SSPN: variants seen among roughly 807,000 people sequenced by gnomAD.
SSPN encodes sarcospan, also known as K-ras oncogene-associated protein.
A neutral mutation model predicts 19.1 loss-of-function variants in SSPN; 15 were observed. The observed-to-expected ratio is 0.78, with a 90% CI of 0.52 to 1.21. The LOEUF is 1.21. Among genes scored for constraint, SSPN ranks in the 50% most tolerant of loss-of-function variants. SSPN has a pLI of 0.00. For synonymous variants in SSPN, 147 were observed against 140.3 expected (o/e 1.05, Z -0.34); for missense variants, 291 against 314.0 (o/e 0.93, Z 0.55).
chr12:26,123,370 C>G (rs1944332545), intron 1 of SSPN, among the ~76,000 whole-genome samples: 1 of 152,174 alleles, frequency 6.6e-6, no homozygotes, highest in Non-Finnish European at 1.5e-5. Context: ...AGGGCGCTCT[C>G]CTCCCAGCTG....
intron 1 of SSPN, among the ~76,000 whole-genome samples, chr12:26,184,683 G>C (rs1944740674): frequency 6.6e-6 from 1 of 152,158 alleles, no homozygotes; most frequent in South Asian, 2.1e-4. Context: ...AGACCACTTA[G>C]TGGCATAATT....
chr12:26,122,365 G>A, intron 1 of SSPN: 6 of 1,195,978 alleles, frequency 5.0e-6, no homozygotes, highest in Non-Finnish European at 6.2e-6. Flanking sequence ...AGCGGGAACG[G>A]GGCGGCAGCC....
chr12:26,122,459 G>A lies in SSPN; in HGVS notation c.-31+307G>A, dbSNP rs774486513. The A allele has an allele frequency of 3.0e-6, 4 of 1,353,266 alleles. No individual in the cohort carries two copies. The South Asian group carries it at 4.9e-5, about 17-fold the overall frequency. 83.8% of individuals were successfully genotyped at this position (1,353,266 alleles called of 1,614,324 possible). A position where few individuals can be genotyped will look rare whatever the true frequency, so the allele number is the denominator to read the frequency against. On this transcript the variant is annotated intron_variant, in intron 1 of 2. Transcript: ENST00000538142. ...CGGCAGCTGCAGAAGGCGAGAGGAA[G>A]CAGAAGGGCAGGCAGAAGGGGGCCG...
chr12:26,225,832 C>G (rs1405869830), intron 2 of SSPN, among the ~76,000 whole-genome samples: 5 of 151,644 alleles, frequency 3.3e-5, no homozygotes, highest in African/African-American at 1.2e-4. Context: ...CTGAAGAACA[C>G]CCCAAACTAG....
rs1318593298 is a variant in SSPN at position 26,217,025 on chromosome 12, T to C, written c.280-7268T>C. On this transcript the variant is annotated intron_variant, in intron 1 of 2. Transcript: ENST00000242729. ...AGGTAGTGTGATGCCTCCAGCTTTG[T>C]TCTTTTGGCTTAGGATTGACTTGGT... Among the ~76,000 whole-genome samples the C allele has an allele frequency of 5.5e-3, 813 of 148,972 alleles. 10 individuals carry two copies. The highest frequency in any genetic ancestry group is 0.019 in the African/African-American group (773 of 40,414).
rs138009926 is a variant in SSPN, at chr12:26,127,986, A to C, written c.-31+5834A>C. Among the ~76,000 whole-genome samples the C allele has an allele frequency of 2.0e-5, 3 of 152,358 alleles. No individual in the cohort carries two copies. The East Asian group carries it at 5.8e-4, about 29-fold the overall frequency. The stretch of plus-strand genomic sequence containing the variant: ...ATGTATTAAGTCATTAATCATTTCC[A>C]CAACCCTCTAAGGTAGATACTATTA... On this transcript the variant is annotated intron_variant, in intron 1 of 2. Transcript: ENST00000538142.
chr12:26,122,157 G>C, intron 1 of SSPN: 1 of 1,539,520 alleles, frequency 6.5e-7, no homozygotes. Flanking sequence ...GGGCAGGTGG[G>C]TGCGGCCGTG....
At chr12:26,173,812 AT>A (rs1944667095) in intron 1 of SSPN, among the ~76,000 whole-genome samples, 1 of 152,158 alleles carries the variant, frequency 6.6e-6, no homozygotes, top group Non-Finnish European at 1.5e-5. Context: ...CATTTTTCTT[AT>A]TTCGTTTATT....
At chr12:26,122,918 C>T in intron 1 of SSPN, 2 of 1,550,280 alleles carry the variant, frequency 1.3e-6, no homozygotes, top group South Asian at 1.2e-5. Context: ...AGGGGGCGGC[C>T]GCGGACCCGG....
upstream of SSPN, among the ~76,000 whole-genome samples, chr12:26,191,656 A>G (rs895884477): frequency 1.3e-5 from 2 of 151,516 alleles, no homozygotes; most frequent in Non-Finnish European, 2.9e-5. Flanking sequence ...TAAAAAAAAT[A>G]GGAGTTGCTT....
chr12:26,141,311 G>T (rs1944459367), intron 1 of SSPN, among the ~76,000 whole-genome samples: 1 of 152,138 alleles, frequency 6.6e-6, no homozygotes, highest in Admixed American at 6.5e-5. Context: ...GACTGTGGGT[G>T]CCTCCAGAGA....
Position 26,136,074 on chromosome 12 carries a change from A to G in SSPN, c.-31+13922A>G, listed in dbSNP as rs140325236. 1.2e-4 allele frequency among the ~76,000 whole-genome samples: 19 copies of G among 152,344 alleles called. 1 individual carries two copies. The East Asian group carries it at 3.7e-3, about 29-fold the overall frequency. On this transcript the variant is annotated intron_variant, in intron 1 of 2. Coordinates refer to the SSPN transcript ENST00000538142. ...AAAATAAATTGTGTCTGTACTGAAC[A>G]TGTACAGACATTTTCCCCTTGTCAT...
chr12:26,196,033 C>T (rs1476700328), intron 1 of SSPN, 82 bp downstream of exon 1: 4 of 1,134,180 alleles, frequency 3.5e-6, no homozygotes, highest in Non-Finnish European at 4.7e-6. Context: ...ACTAACCCAG[C>T]TGCATGTGCC....
upstream of SSPN, among the ~76,000 whole-genome samples, chr12:26,190,551 C>G (rs920005975): frequency 6.6e-6 from 1 of 152,114 alleles, no homozygotes; most frequent in South Asian, 2.1e-4. Flanking sequence ...GAATATTTGA[C>G]CCACAGAAAC....
At chr12:26,123,069 AACCGGGAGAGGT>A in intron 1 of SSPN, 1 of 1,593,238 alleles carries the variant, frequency 6.3e-7, no homozygotes, top group Non-Finnish European at 8.6e-7. Flanking sequence ...CCAGCTCTCA[AACCGGGAGAGGT>A]ATTGCAAGAC....
At chr12:26,182,887 C>G (rs939063387) in intron 1 of SSPN, among the ~76,000 whole-genome samples, 2 of 151,764 alleles carry the variant, frequency 1.3e-5, no homozygotes, top group Non-Finnish European at 2.9e-5. Flanking sequence ...CTCAGCCTCC[C>G]GAGTAGCTGG....
At chr12:26,210,161 A>G (rs1026039380) in intron 1 of SSPN, among the ~76,000 whole-genome samples, 1 of 151,938 alleles carries the variant, frequency 6.6e-6, no homozygotes, top group South Asian at 2.1e-4. Flanking sequence ...TCTTATCTGT[A>G]TGCTCCTATA....
intron 1 of SSPN, among the ~76,000 whole-genome samples, chr12:26,204,200 C>T (rs542236298): frequency 7.9e-5 from 12 of 152,108 alleles, no homozygotes; most frequent in Admixed American, 7.2e-4. Flanking sequence ...TGAGTGTTTC[C>T]GAGGGGTATT....
intron 1 of SSPN, among the ~76,000 whole-genome samples, chr12:26,179,811 T>C (rs1944706807): frequency 6.6e-6 from 1 of 152,064 alleles, no homozygotes; most frequent in African/African-American, 2.4e-5. Flanking sequence ...GAGTAGTTTC[T>C]CTACAACCCT....
Sources: allele counts gnomAD v4.1 joint callset (sites outside exome capture counted in the v4.1 genomes callset), GRCh38; gene constraint gnomAD v4.1.1; transcripts MANE v1.5; gene names NCBI Gene and HGNC (gene_info 2026-07-23, HGNC 2026-07-21).